Variants in OGN observed in about 807,000 individuals in gnomAD.
OGN encodes the protein osteoglycin.
A neutral mutation model predicts 30.8 loss-of-function variants in OGN; 19 were observed. The ratio of observed to expected loss-of-function variants is 0.62; its 90% CI spans 0.43 to 0.90. The LOEUF is 0.90. Ranked by LOEUF, OGN falls within the 40% of genes least tolerant of loss-of-function variation. The pLI, the probability that OGN is intolerant of heterozygous loss-of-function variation, is 0.00. For missense variants in OGN, 283 were observed against 349.7 expected, an observed-to-expected ratio of 0.81 and a Z score of 1.52; for synonymous variants, 126 against 128.3, an observed-to-expected ratio of 0.98 and a Z score of 0.12.
chr9:92,389,027 A>G (rs1482111091), intron 5 of OGN, among the ~76,000 whole-genome samples: 1 of 152,132 alleles, frequency 6.6e-6, no homozygotes, highest in Non-Finnish European at 1.5e-5. Flanking sequence ...CAGATTGTAC[A>G]TTTTTTGACA....
intron 4 of OGN, among the ~76,000 whole-genome samples, chr9:92,390,587 T>TGTGCGCAC (rs749697394): frequency 7.1e-6 from 1 of 141,814 alleles, no homozygotes; most frequent in African/African-American, 2.5e-5. Context: ...TGTGTGTGTG[T>TGTGCGCAC]GCGCGCGCGC....
intron 5 of OGN, among the ~76,000 whole-genome samples, chr9:92,387,594 T>C (rs948829155): frequency 2.0e-5 from 3 of 152,096 alleles, no homozygotes; most frequent in African/African-American, 7.2e-5. Context: ...TTCTTTTCTG[T>C]GTTGCTATTT....
chr9:92,389,841 A>G lies in OGN; in HGVS notation c.630+13T>C. The G allele has an allele frequency of 1.9e-6, 3 of 1,568,030 alleles. No homozygotes were observed. The highest frequency in any genetic ancestry group is 2.6e-6 in the Non-Finnish European group (3 of 1,140,704). On this transcript the variant is annotated intron_variant, in intron 5 of 6. Transcript: ENST00000375561. The stretch of plus-strand genomic sequence containing the variant: ...CACTCATACTATGCTTAGTTTTACT[A>G]TAAAATACTTACTTTGAATGCATTT...
intron 4 of OGN, among the ~76,000 whole-genome samples, chr9:92,390,871 C>G (rs916739641): frequency 1.3e-5 from 2 of 152,140 alleles, no homozygotes; most frequent in Non-Finnish European, 2.9e-5. Flanking sequence ...CATGCCTGAA[C>G]AAACCTTATC....
At chr9:92,396,826 T>C (rs964908789) in intron 3 of OGN, among the ~76,000 whole-genome samples, 3 of 152,070 alleles carry the variant, frequency 2.0e-5, no homozygotes, top group African/African-American at 7.2e-5. Context: ...GCCTCGGCCT[T>C]CCCATAAACA....
chr9:92,404,547 T>A lies in OGN; in HGVS notation c.-127A>T. 7.7e-7 allele frequency: 1 copy of A among 1,299,964 alleles called. No individual in the cohort carries two copies. 80.5% of individuals were successfully genotyped at this position (1,299,964 alleles called of 1,614,324 possible). A position where few individuals can be genotyped will look rare whatever the true frequency, so the allele number is the denominator to read the frequency against. ...TGGTTTTCCTCAATAGATGTTCATG[T>A]CTGTGCATTAGCCCCAAGTGGGAGG... is the stretch of plus-strand genomic sequence containing the variant. On this transcript the variant is annotated 5_prime_UTR_variant, in exon 1 of 7. Coordinates refer to ENST00000375561, the MANE Select transcript of OGN (RefSeq NM_014057.5).
intron 3 of OGN, among the ~76,000 whole-genome samples, chr9:92,395,813 G>A (rs1045829886): frequency 1.3e-5 from 2 of 150,764 alleles, no homozygotes; most frequent in African/African-American, 4.9e-5. Context: ...TATATTTGAT[G>A]ACTTGTCTTT....
chr9:92,403,551 G>T, intron 1 of OGN, 69 bp from the exon 2 acceptor site: 1 of 1,365,116 alleles, frequency 7.3e-7, no homozygotes, highest in African/African-American at 1.5e-5. Flanking sequence ...CAGGGTGTGC[G>T]CAGTAAGGGC....
rs558734431 is a variant in OGN at position 92,398,923 on chromosome 9, G to A, written c.268+2169C>T. 1.0e-3 allele frequency among the ~76,000 whole-genome samples: 157 copies of A among 152,164 alleles called. 1 individual carries two copies. Among genetic ancestry groups the A allele is most frequent in the African/African-American group, 3.8e-3 (156 of 41,506 alleles). ...TAAAAATACAATAAATTAGCCTGGC[G>A]TGGTGGCGCGTGCCTGTAATCCCAG... On this transcript the variant is annotated intron_variant, in intron 3 of 6. Coordinates refer to ENST00000375561, the MANE Select transcript of OGN (RefSeq NM_014057.5).
At chr9:92,389,159 G>T (rs1472186061) in intron 5 of OGN, among the ~76,000 whole-genome samples, 1 of 152,050 alleles carries the variant, frequency 6.6e-6, no homozygotes, top group Non-Finnish European at 1.5e-5. Context: ...TACCAGCAAT[G>T]GCATGGTCAT....
rs532655835 is a variant in OGN at position 92,404,521 on chromosome 9, G to C, written c.-101C>G. ...CGTTGTAGCTGTTTTGAAGTTTTTTGTGGTTTTCCTCAATAGATGTTCATG... is the reference window on the plus strand; with the variant it reads ...CGTTGTAGCTGTTTTGAAGTTTTTTCTGGTTTTCCTCAATAGATGTTCATG... On this transcript the variant is annotated 5_prime_UTR_variant, in exon 1 of 7. Coordinates refer to ENST00000375561, the MANE Select transcript of OGN (RefSeq NM_014057.5). The C allele has an allele frequency of 1.0e-5, 13 of 1,296,360 alleles. No individual in the cohort carries two copies. The African/African-American group carries it at 1.8e-4, about 18-fold the overall frequency. The allele number at this position is 1,296,360 out of a possible 1,614,324, so 80.3% of individuals were successfully genotyped here. A position where few individuals can be genotyped will look rare whatever the true frequency, so the allele number is the denominator to read the frequency against.
At chr9:92,387,378 GA>G (rs574588556) in intron 5 of OGN, among the ~76,000 whole-genome samples, 4,980 of 117,000 alleles carry the variant, frequency 0.043, 107 homozygotes, top group South Asian at 0.1. Context: ...TCCATCTCAA[GA>G]AAAAAAAAAA....
At chr9:92,397,681 C>T (rs1357101233) in intron 3 of OGN, among the ~76,000 whole-genome samples, 2 of 152,184 alleles carry the variant, frequency 1.3e-5, no homozygotes, top group African/African-American at 4.8e-5. Context: ...GATGCAGGTG[C>T]TGGGTGTGCT....
In OGN at chr9:92,390,078, A is replaced by G. The variant is rs748855451; in HGVS notation, c.428-22T>C. On this transcript the variant is annotated intron_variant, in intron 4 of 6. Transcript: ENST00000375561. ...TTAGCTAGAGGGAAAAAAATATAAAAAACAACTACGTAAGTAAAATTCTTA... is the reference window on the plus strand; with the variant it reads ...TTAGCTAGAGGGAAAAAAATATAAAGAACAACTACGTAAGTAAAATTCTTA... 2.2e-6 allele frequency: 3 copies of G among 1,360,450 alleles called. No homozygotes were observed. The South Asian group carries it at 3.7e-5, about 17-fold the overall frequency. 84.3% of individuals were successfully genotyped at this position (1,360,450 alleles called of 1,614,324 possible).
intron 3 of OGN, among the ~76,000 whole-genome samples, chr9:92,400,513 T>C (rs980126781): frequency 5.3e-5 from 8 of 152,234 alleles, no homozygotes; most frequent in Non-Finnish European, 1.2e-4. Flanking sequence ...TTAAGCTTTA[T>C]TTTCTGTTAT....
chr9:92,384,591 A>C lies in OGN; in HGVS notation c.*1029T>G, dbSNP rs1842351614. ...CTCAGATAGAAGATTTAATTCTTGC[A>C]GTTAGCCATGTCAGTTTATCATGAG... is the stretch of plus-strand genomic sequence containing the variant. On this transcript the variant is annotated 3_prime_UTR_variant, in exon 7 of 7. Transcript: ENST00000375561. The C allele has an allele frequency of 6.6e-6, 1 of 152,144 alleles. No individual in the cohort carries two copies. The allele number at this position is 152,144 out of a possible 1,614,324, so 9.4% of individuals were successfully genotyped here. A position where few individuals can be genotyped will look rare whatever the true frequency, so the allele number is the denominator to read the frequency against.
At chr9:92,387,281 C>G (rs1281229324) in intron 5 of OGN, among the ~76,000 whole-genome samples, 1 of 151,052 alleles carries the variant, frequency 6.6e-6, no homozygotes, top group African/African-American at 2.4e-5. Flanking sequence ...CTGAGTGAGG[C>G]AGGAGAATTG....
intron 3 of OGN, among the ~76,000 whole-genome samples, chr9:92,393,537 A>T (rs1429567925): frequency 6.6e-6 from 1 of 152,234 alleles, no homozygotes; most frequent in African/African-American, 2.4e-5. Flanking sequence ...AGCAGGAGTT[A>T]AGGTAAACAT....
At chr9:92,397,625 C>T (rs983990481) in intron 3 of OGN, among the ~76,000 whole-genome samples, 6 of 152,194 alleles carry the variant, frequency 3.9e-5, no homozygotes, top group Non-Finnish European at 5.9e-5. Flanking sequence ...CCACCACACC[C>T]GGCCAGCATT....
Sources: gnomAD v4.1 joint callset for allele counts (sites outside exome capture counted in the v4.1 genomes callset) on GRCh38, gnomAD v4.1.1 for gene constraint, MANE v1.5 for transcripts, NCBI Gene and HGNC (gene_info 2026-07-23, HGNC 2026-07-21) for gene names.